The following IPO11 variants were observed in gnomAD, a reference collection of about 807,000 sequenced individuals.
The protein encoded by IPO11 is importin 11.
A neutral mutation model predicts 143.2 loss-of-function variants in IPO11; 66 were observed. The observed-to-expected ratio is 0.46, with a 90% CI of 0.38 to 0.57. The LOEUF (loss-of-function observed/expected upper bound fraction) is 0.57. IPO11 is among the 20% of genes least tolerant of loss of function. The pLI is 0.00. For missense variants in IPO11, 1,026 were observed against 1,141.0 expected, an observed-to-expected ratio of 0.90 and a Z score of 1.45; for synonymous variants, 385 against 377.8, an observed-to-expected ratio of 1.02 and a Z score of -0.22.
chr5:62,458,500 C>T (rs1745241201), intron 5 of IPO11, among the ~76,000 whole-genome samples: 1 of 152,144 alleles, frequency 6.6e-6, no homozygotes, highest in Non-Finnish European at 1.5e-5. Context: ...AGGGTTTTGC[C>T]ACATTGGCCA....
chr5:62,439,709 TTTC>T (rs1217325785), intron 2 of IPO11, among the ~76,000 whole-genome samples: 2 of 152,056 alleles, frequency 1.3e-5, no homozygotes, highest in Non-Finnish European at 1.5e-5. Flanking sequence ...TACCTGTAAT[TTTC>T]TTCTTAGAGG....
At chr5:62,519,562 G>A (rs776135026) in intron 20 of IPO11, among the ~76,000 whole-genome samples, 1 of 151,978 alleles carries the variant, frequency 6.6e-6, no homozygotes, top group Non-Finnish European at 1.5e-5. Context: ...TATAAAGACG[G>A]TTGAAGGCCT....
intron 16 of IPO11, among the ~76,000 whole-genome samples, chr5:62,498,471 C>T (rs1489773270): frequency 6.6e-6 from 1 of 152,182 alleles, no homozygotes; most frequent in African/African-American, 2.4e-5. Context: ...TTAGAGGAAC[C>T]TTCTTTTCCC....
chr5:62,534,490 A>C (rs1336019586), intron 22 of IPO11, among the ~76,000 whole-genome samples: 1 of 152,232 alleles, frequency 6.6e-6, no homozygotes, highest in Non-Finnish European at 1.5e-5. Context: ...ATTATAAATA[A>C]AAGCAAATAG....
intron 1 of IPO11, among the ~76,000 whole-genome samples, chr5:62,431,745 C>G (rs1425003568): frequency 6.6e-6 from 1 of 151,938 alleles, no homozygotes; most frequent in Non-Finnish European, 1.5e-5. Context: ...AGTTTGAGAC[C>G]AGCCTGGTCA....
intron 1 of IPO11, among the ~76,000 whole-genome samples, chr5:62,429,703 A>C (rs1470701310): frequency 6.6e-6 from 1 of 151,772 alleles, no homozygotes; most frequent in Non-Finnish European, 1.5e-5. Context: ...GGCTCACTGC[A>C]ACCTCTGCCT....
chr5:62,441,484 A>C (rs1434807804), intron 2 of IPO11, among the ~76,000 whole-genome samples: 2 of 113,516 alleles, frequency 1.8e-5, no homozygotes, highest in Admixed American at 1.1e-4. Flanking sequence ...GGCATGAGCC[A>C]CTGTGCCTGG....
intron 24 of IPO11, among the ~76,000 whole-genome samples, chr5:62,542,668 T>G (rs1489265007): frequency 6.6e-6 from 1 of 152,224 alleles, no homozygotes; most frequent in East Asian, 1.9e-4. Context: ...TATGCCTGCT[T>G]TTGGAGCAAA....
At position 62,506,273 on chromosome 5, in the gene IPO11, G is replaced by C. The variant is rs748318905; in HGVS notation, c.1698G>C (p.Gln566His). ...AAACCATGTTCACACTACTTTTTCA[G>C]TTACTGCAGCAAGTTACAGAATGTG... is the stretch of plus-strand genomic sequence containing the variant. The part of the protein sequence containing the change: ...YLETMFTLLF[Q>H]LLQQVTECDT... Residue 566 changes from glutamine (Q) to histidine (H), a missense_variant, in exon 19 of 30, where the codon CAG becomes CAC. Gln to His is a conservative substitution (Grantham distance 24). Coordinates refer to ENST00000325324, the MANE Select transcript of IPO11 (RefSeq NM_016338.5). 1.9e-5 allele frequency: 31 copies of C among 1,608,252 alleles called. No homozygotes were observed. Among genetic ancestry groups the C allele is most frequent in the Admixed American group, 3.3e-5 (2 of 59,848 alleles).
intron 26 of IPO11, among the ~76,000 whole-genome samples, chr5:62,556,643 C>A (rs776356708): frequency 5.3e-5 from 8 of 152,070 alleles, no homozygotes; most frequent in Non-Finnish European, 1.2e-4. Context: ...GCACTCCAGA[C>A]TGGGCAGCAG....
intron 7 of IPO11, 97 bp downstream of exon 7, chr5:62,470,405 G>C (rs1194925425): frequency 6.5e-6 from 7 of 1,080,586 alleles, no homozygotes; most frequent in Non-Finnish European, 9.9e-6. Context: ...AATTAGAAGA[G>C]TTTTTATTAA....
intron 28 of IPO11, among the ~76,000 whole-genome samples, chr5:62,600,650 A>G (rs765537138): frequency 6.6e-6 from 1 of 152,142 alleles, no homozygotes; most frequent in Non-Finnish European, 1.5e-5. Flanking sequence ...ACTTTGTGTC[A>G]GAGTCCATTG....
chr5:62,552,965 T>C (rs991754842), intron 26 of IPO11, among the ~76,000 whole-genome samples: 8 of 152,224 alleles, frequency 5.3e-5, no homozygotes, highest in African/African-American at 1.4e-4. Flanking sequence ...ATTGGGAACA[T>C]ACAACAGCCT....
chr5:62,415,399 G>A (rs1743255767), intron 1 of IPO11, among the ~76,000 whole-genome samples: 1 of 150,892 alleles, frequency 6.6e-6, no homozygotes, highest in South Asian at 2.1e-4. Flanking sequence ...TGACCTCCCT[G>A]AACTCCACCC....
chr5:62,453,060 T>G (rs1480316086), intron 5 of IPO11, among the ~76,000 whole-genome samples: 3 of 150,978 alleles, frequency 2.0e-5, no homozygotes, highest in Non-Finnish European at 4.4e-5. Context: ...GGTCACATGA[T>G]AGGGCTCAAG....
intron 2 of IPO11, among the ~76,000 whole-genome samples, chr5:62,441,573 T>C (rs1247669306): frequency 7.5e-6 from 1 of 133,610 alleles, no homozygotes; most frequent in Non-Finnish European, 1.5e-5. Flanking sequence ...TGGAGTGCAG[T>C]GGTGCGATCT....
intron 24 of IPO11, among the ~76,000 whole-genome samples, chr5:62,542,228 A>C (rs1352330691): frequency 1.3e-5 from 2 of 152,150 alleles, no homozygotes; most frequent in East Asian, 1.9e-4. Flanking sequence ...TTTTATACGA[A>C]TATTGCTGTA....
chr5:62,559,453 A>G (rs561277774), intron 26 of IPO11, among the ~76,000 whole-genome samples: 52 of 152,140 alleles, frequency 3.4e-4, no homozygotes, highest in African/African-American at 1.2e-3. Context: ...ATTGGAGTCA[A>G]TCCTCTCAGA....
chr5:62,428,142 A>G (rs1743827927), intron 1 of IPO11, among the ~76,000 whole-genome samples: 2 of 151,940 alleles, frequency 1.3e-5, no homozygotes, highest in Non-Finnish European at 2.9e-5. Context: ...ACCTTGCTTT[A>G]ATTTCTTGAT....
Sources: allele counts gnomAD v4.1 joint callset (sites outside exome capture counted in the v4.1 genomes callset), GRCh38; gene constraint gnomAD v4.1.1; transcripts MANE v1.5; gene names NCBI Gene and HGNC (gene_info 2026-07-23, HGNC 2026-07-21).